The following LAMA4 variants were observed in gnomAD, a reference collection of about 807,000 sequenced individuals.
LAMA4 encodes laminin subunit alpha 4, also known as laminin subunit alpha-4.
A neutral mutation model predicts 207.1 loss-of-function variants in LAMA4; 127 were observed. The ratio of observed to expected loss-of-function variants is 0.61; its 90% confidence interval spans 0.53 to 0.71. The LOEUF (loss-of-function observed/expected upper bound fraction) is 0.71. Ranked by LOEUF, LAMA4 falls within the 30% of genes least tolerant of loss-of-function variation. LAMA4 has a pLI of 0.00. For missense variants in LAMA4, 2,093 were observed against 2,246.5 expected, an observed-to-expected ratio of 0.93 and a Z score of 1.38; for synonymous variants, 761 against 816.0, an observed-to-expected ratio of 0.93 and a Z score of 1.15.
chr6:112,187,485 C>A lies in LAMA4; in HGVS notation c.931G>T (p.Val311Leu). The change falls in exon 8 of 39, where the codon GTG becomes TTG. Residue 311 changes from valine to leucine, a missense_variant. This residue lies in a region of LAMA4 where 1,704 missense variants were observed against 1,788.4 expected (regional missense o/e 0.95). Transcript: ENST00000230538. The part of the protein sequence containing the change: ...VSSGAAAHRH[V>L]NEINATIYLL... ...TAGATGGTGGCGTTGATTTCATTCA[C>A]GTGCCTATGAGCGGCGGCCCCAGAG... The A allele has an allele frequency of 6.2e-7, 1 of 1,614,096 alleles. No individual in the cohort carries two copies. Among genetic ancestry groups the A allele is most frequent in the South Asian group, 1.1e-5 (1 of 91,072 alleles).
At chr6:112,242,607 G>A (rs1486207436) in intron 2 of LAMA4, among the ~76,000 whole-genome samples, 1 of 152,160 alleles carries the variant, frequency 6.6e-6, no homozygotes, top group Non-Finnish European at 1.5e-5. Context: ...ATTCCCAGGT[G>A]ATGCTGATGC....
In LAMA4 at chr6:112,121,255, G is replaced by A. The variant is rs999134087; in HGVS notation, c.4475+759C>T. Among the ~76,000 whole-genome samples the A allele has an allele frequency of 3.3e-5, 5 of 152,238 alleles. No homozygotes were observed. The South Asian group carries it at 8.3e-4, about 25-fold the overall frequency. On this transcript the variant is annotated intron_variant, in intron 32 of 38. Transcript: ENST00000230538. Reference sequence around the variant, plus strand: ...TACCACATGTAAAAAGCAGCCACCCGAGCGTGTAGAAATTAAACAAAACCT... The same window carrying A: ...TACCACATGTAAAAAGCAGCCACCCAAGCGTGTAGAAATTAAACAAAACCT...
Position 112,142,209 on chromosome 6 carries a change from C to A in LAMA4, c.2577G>T (p.Thr859=). 6.2e-7 allele frequency: 1 copy of A among 1,614,102 alleles called. No individual in the cohort carries two copies. The highest frequency in any genetic ancestry group is 2.2e-5 in the East Asian group (1 of 44,874). Reference sequence around the variant, plus strand: ...GGGGTTTCATGTACAGGCTCAGAGACGTGAAGGCCTTTAAGTCATCCATAC... The same window carrying A: ...GGGGTTTCATGTACAGGCTCAGAGAAGTGAAGGCCTTTAAGTCATCCATAC... ...RTSMDDLKAF[T]SLSLYMKPPV... The change falls in exon 20 of 39, where the codon ACG becomes ACT. Residue 859 remains threonine, a synonymous_variant. Coordinates refer to ENST00000230538, the MANE Select transcript of LAMA4 (RefSeq NM_001105206.3).
At chr6:112,201,997 G>A (rs1435235619) in intron 4 of LAMA4, among the ~76,000 whole-genome samples, 4 of 152,176 alleles carry the variant, frequency 2.6e-5, no homozygotes, top group African/African-American at 9.7e-5. Flanking sequence ...GGATTTATAA[G>A]AGAATCCCCT....
At chr6:112,166,764 AGTG>A (rs1554340083) in intron 12 of LAMA4, among the ~76,000 whole-genome samples, 1 of 152,260 alleles carries the variant, frequency 6.6e-6, no homozygotes, top group East Asian at 1.9e-4. Context: ...TCCACAGAAA[AGTG>A]GTCAACTTGA....
chr6:112,250,725 C>A (rs901102336), intron 2 of LAMA4, among the ~76,000 whole-genome samples: 1 of 152,194 alleles, frequency 6.6e-6, no homozygotes, highest in Admixed American at 6.5e-5. Flanking sequence ...TCCAGCCACA[C>A]AATGTAACCT....
intron 13 of LAMA4, among the ~76,000 whole-genome samples, chr6:112,162,455 A>G (rs964099082): frequency 7.2e-5 from 11 of 152,150 alleles, no homozygotes; most frequent in African/African-American, 2.4e-4. Flanking sequence ...CTGGGCAACA[A>G]GGATGAAGCC....
intron 2 of LAMA4, among the ~76,000 whole-genome samples, chr6:112,225,835 C>G (rs1785178846): frequency 6.6e-6 from 1 of 152,230 alleles, no homozygotes; most frequent in African/African-American, 2.4e-5. Context: ...CAAAAGAGTT[C>G]TCAGGGAGGA....
chr6:112,182,187 C>A (rs1025121927), intron 9 of LAMA4, among the ~76,000 whole-genome samples: 8 of 151,884 alleles, frequency 5.3e-5, no homozygotes, highest in Non-Finnish European at 1.5e-5. Flanking sequence ...AACAGTTATC[C>A]CTCAGCATCC....
chr6:112,150,098 G>A (rs1780289598), intron 17 of LAMA4, among the ~76,000 whole-genome samples: 1 of 152,018 alleles, frequency 6.6e-6, no homozygotes, highest in Non-Finnish European at 1.5e-5. Flanking sequence ...GTTTACAGCT[G>A]GGCCAAAGAA....
intron 13 of LAMA4, among the ~76,000 whole-genome samples, chr6:112,161,658 A>G (rs1781058990): frequency 6.6e-6 from 1 of 152,206 alleles, no homozygotes; most frequent in South Asian, 2.1e-4. Flanking sequence ...CAAACAAGCA[A>G]ACAAGCTAAT....
At chr6:112,124,020 T>C (rs1778532942) in intron 31 of LAMA4, among the ~76,000 whole-genome samples, 1 of 152,146 alleles carries the variant, frequency 6.6e-6, no homozygotes, top group African/African-American at 2.4e-5. Context: ...AACTCTAATG[T>C]CTTAGGAAAA....
At chr6:112,125,210 TG>T (rs1554327207) in intron 31 of LAMA4, among the ~76,000 whole-genome samples, 1 of 152,016 alleles carries the variant, frequency 6.6e-6, no homozygotes, top group Non-Finnish European at 1.5e-5. Flanking sequence ...GATAGCTTTT[TG>T]CCTTTCACTC....
intron 7 of LAMA4, 128 bp from the exon 8 acceptor site, chr6:112,187,729 A>G: frequency 1.0e-6 from 1 of 955,178 alleles, no homozygotes; most frequent in Non-Finnish European, 1.6e-6. Flanking sequence ...AAGAGCTGTA[A>G]TTCTATTCTT....
At chr6:112,201,899 C>T (rs1348910963) in intron 4 of LAMA4, among the ~76,000 whole-genome samples, 1 of 152,108 alleles carries the variant, frequency 6.6e-6, no homozygotes, top group Non-Finnish European at 1.5e-5. Context: ...GGACCATTTC[C>T]CAGGTCCTAT....
At chr6:112,174,404 C>T (rs1781896853) in intron 11 of LAMA4, among the ~76,000 whole-genome samples, 1 of 152,232 alleles carries the variant, frequency 6.6e-6, no homozygotes, top group Non-Finnish European at 1.5e-5. Context: ...CAGAGATGAG[C>T]TGTCCAGGTT....
At chr6:112,219,362 T>G (rs961324376) in intron 2 of LAMA4, 1 of 152,182 alleles carries the variant, frequency 6.6e-6, no homozygotes, top group Admixed American at 6.5e-5. Context: ...CTCCACAGTT[T>G]ACTAAACAAA....
rs1554352594 is a variant in LAMA4, at chr6:112,201,838, G to T, written c.423-150C>A. On this transcript the variant is annotated intron_variant, in intron 4 of 38. Transcript: ENST00000230538. ...ATTTAAACTTGTACACATTTACCTT[G>T]CAGGAAAGGTTAGGCTAGCAGGCCC... 5.3e-6 allele frequency: 4 copies of T among 760,788 alleles called. No homozygotes were observed. In the East Asian group the frequency reaches 7.5e-5, roughly 14 times the overall value. The allele number at this position is 760,788 out of a possible 1,614,324, so 47.1% of individuals were successfully genotyped here.
chr6:112,201,642 A>G lies in LAMA4; in HGVS notation c.469T>C (p.Cys157Arg), dbSNP rs1475643671. 2 of 1,613,954 alleles carry G rather than the reference A, an allele frequency of 1.2e-6. No homozygotes were observed. Among genetic ancestry groups the G allele is most frequent in the Non-Finnish European group, 1.7e-6 (2 of 1,179,866 alleles). ...YRKNGAVRCICNENYAGPNCE... is the reference protein window; with the variant it reads ...YRKNGAVRCIRNENYAGPNCE... ...TTAGGTCCAGCATAATTTTCGTTACAAATGCACCGAACAGCTCCATTTTTC... is the reference window on the plus strand; with the variant it reads ...TTAGGTCCAGCATAATTTTCGTTACGAATGCACCGAACAGCTCCATTTTTC... The change falls in exon 5 of 39, where the codon TGT becomes CGT. Residue 157 changes from cysteine to arginine, a missense_variant. Coordinates refer to ENST00000230538, the MANE Select transcript of LAMA4 (RefSeq NM_001105206.3).
Sources: allele counts gnomAD v4.1 joint callset (sites outside exome capture counted in the v4.1 genomes callset), GRCh38; gene constraint gnomAD v4.1.1; regional missense constraint gnomAD v4.1.1; transcripts MANE v1.5; gene names NCBI Gene and HGNC (gene_info 2026-07-23, HGNC 2026-07-21).